ZNF541: variants seen among roughly 807,000 people sequenced by gnomAD.
The protein encoded by ZNF541 is zinc finger protein 541.
ZNF541 carries 23 observed loss-of-function variants against 123.5 expected under a neutral mutation model. The ratio of observed to expected loss-of-function variants is 0.19; its 90% confidence interval spans 0.13 to 0.26. ZNF541 has a LOEUF of 0.26. ZNF541 is among the 10% of genes least tolerant of loss of function. The probability of loss-of-function intolerance (pLI) is 1.00; values close to 1 mark genes in which losing one functional copy is unlikely to be tolerated. For missense variants in ZNF541, 1,612 were observed against 1,789.9 expected, an observed-to-expected ratio of 0.90 and a Z score of 1.79; for synonymous variants, 751 against 754.5, an observed-to-expected ratio of 1.00 and a Z score of 0.08.
chr19:47,527,608 C>G (rs925571924), intron 14 of ZNF541, among the ~76,000 whole-genome samples: 4 of 151,956 alleles, frequency 2.6e-5, no homozygotes, highest in Non-Finnish European at 4.4e-5. Context: ...ATTGCCCAGG[C>G]TGGTCTTGAA....
chr19:47,544,841 T>C lies in ZNF541; in HGVS notation c.1688A>G (p.Lys563Arg). 1.3e-6 allele frequency: 2 copies of C among 1,535,682 alleles called. No homozygotes were observed. Among genetic ancestry groups the C allele is most frequent in the Non-Finnish European group, 1.7e-6 (2 of 1,146,510 alleles). Residue 563 changes from lysine (K) to arginine (R), a missense_variant, in exon 5 of 17, where the codon AAG becomes AGG. Lys to Arg is a conservative substitution (Grantham distance 26). Coordinates refer to ENST00000391901, the MANE Select transcript of ZNF541 (RefSeq NM_001277075.3). ...GGCATGGGAGAAGATCCGCTGGGAC[T>C]TGGTGATCATCTGGAACACCTGCAT... ...EQMQVFQMITKSQRIFSHAQV... is the reference protein window; with the variant it reads ...EQMQVFQMITRSQRIFSHAQV...
intron 14 of ZNF541, among the ~76,000 whole-genome samples, chr19:47,527,999 CTTT>C (rs1022343366): frequency 1.3e-4 from 15 of 118,206 alleles, no homozygotes; most frequent in Admixed American, 2.6e-4. Context: ...ACGCCAGGCC[CTTT>C]TTTTTTTTTT....
chr19:47,521,528 A>G lies in ZNF541; in HGVS notation c.3838T>C (p.Leu1280=). 6.4e-7 allele frequency: 1 copy of G among 1,551,606 alleles called. No individual in the cohort carries two copies. The highest frequency in any genetic ancestry group is 1.2e-5 in the South Asian group (1 of 84,054). Residue 1280 remains leucine, a synonymous_variant, in exon 16 of 17, where the codon TTG becomes CTG. Transcript: ENST00000391901. This position sits in a 1 kb window ranked among gnomAD's most constrained non-coding sequence, Gnocchi z 4.2. The part of the protein sequence containing the change: ...NAGSKRTPEL[L]GSAESQGIFP... ...ATGCCCTGGCTCTCTGCACTTCCCA[A>G]CAGCTCGGGGGTCCGCTTGGAGCCT...
intron 2 of ZNF541, among the ~76,000 whole-genome samples, chr19:47,568,617 T>C (rs1421676859): frequency 6.6e-6 from 1 of 151,954 alleles, no homozygotes; most frequent in Non-Finnish European, 1.5e-5. Context: ...GTGCTGGTAT[T>C]ACAGGTGCAA....
rs1024358039 is a variant in ZNF541 at position 47,545,813 on chromosome 19, G to A, written c.716C>T (p.Ser239Phe). The change falls in exon 5 of 17, where the codon TCC becomes TTC. Residue 239 changes from serine (S) to phenylalanine (F), a missense_variant. Ser to Phe is a radical substitution (Grantham distance 155). Coordinates refer to ENST00000391901, the MANE Select transcript of ZNF541 (RefSeq NM_001277075.3). This position sits in a 1 kb window ranked among gnomAD's most constrained non-coding sequence, Gnocchi z 7.5. Reference protein sequence around the residue: ...APPEEEACGDSPHAHESAGQP... With the variant: ...APPEEEACGDFPHAHESAGQP... ...GCCGGCCGACTCGTGGGCGTGGGGGGAGTCCCCGCAGGCCTCTTCCTCCGG... is the reference window on the plus strand; with the variant it reads ...GCCGGCCGACTCGTGGGCGTGGGGGAAGTCCCCGCAGGCCTCTTCCTCCGG... 3.2e-6 allele frequency: 5 copies of A among 1,546,010 alleles called. No homozygotes were observed. Among genetic ancestry groups the A allele is most frequent in the Non-Finnish European group, 4.4e-6 (5 of 1,145,204 alleles).
intron 3 of ZNF541, 35 bp from the exon 4 acceptor site, chr19:47,549,520 C>A (rs1568507601): frequency 6.5e-7 from 1 of 1,548,064 alleles, no homozygotes; most frequent in Non-Finnish European, 8.7e-7. Flanking sequence ...TTATACACAG[C>A]CAAGGCAACC....
In ZNF541 at chr19:47,540,021, G is replaced by A. The variant is rs951574233; in HGVS notation, c.2623-143C>T. On this transcript the variant is annotated intron_variant, in intron 7 of 16. Transcript: ENST00000391901. Reference sequence around the variant, plus strand: ...AGCTGGAGAGCTGCTGCAGCCCATGGCAATGGCCTGCCCCTGGAGAGCCAC... The same window carrying A: ...AGCTGGAGAGCTGCTGCAGCCCATGACAATGGCCTGCCCCTGGAGAGCCAC... 17 of 1,418,202 alleles carry A rather than the reference G, an allele frequency of 1.2e-5. No homozygotes were observed. The East Asian group carries it at 2.5e-4, about 21-fold the overall frequency. The allele number at this position is 1,418,202 out of a possible 1,614,324, so 87.9% of individuals were successfully genotyped here. A position where few individuals can be genotyped will look rare whatever the true frequency, so the allele number is the denominator to read the frequency against.
intron 14 of ZNF541, among the ~76,000 whole-genome samples, chr19:47,526,842 A>G (rs368941759): frequency 8.1e-4 from 123 of 152,322 alleles, no homozygotes; most frequent in African/African-American, 2.9e-3. Flanking sequence ...CTCCTCTAGA[A>G]AACAAAGTAC....
chr19:47,556,438 A>C (rs1174803148), intron 2 of ZNF541, among the ~76,000 whole-genome samples: 2 of 152,078 alleles, frequency 1.3e-5, no homozygotes, highest in African/African-American at 4.8e-5. Context: ...GAAGTACTTG[A>C]TTTTTTCTTT....
intron 3 of ZNF541, 146 bp from the exon 4 acceptor site, chr19:47,549,631 C>T: frequency 7.6e-7 from 1 of 1,323,992 alleles, no homozygotes; most frequent in African/African-American, 1.5e-5. Context: ...AAACAAGGTT[C>T]AGGAGCAGGT....
At chr19:47,555,424 C>A in intron 3 of ZNF541, 126 bp downstream of exon 3, 6 of 765,452 alleles carry the variant, frequency 7.8e-6, no homozygotes, top group Non-Finnish European at 1.2e-5. Context: ...AAAAAGGTGA[C>A]TGTTCCCTAA....
At chr19:47,531,241 G>T (rs113160251) in intron 12 of ZNF541, among the ~76,000 whole-genome samples, 52,655 of 143,492 alleles carry the variant, frequency 0.37, 14,235 homozygotes, top group African/African-American at 0.67. Flanking sequence ...GCGGGGGGGG[G>T]GGGGGGGGTC....
chr19:47,530,902 C>T (rs973844863), intron 12 of ZNF541, among the ~76,000 whole-genome samples: 14 of 151,168 alleles, frequency 9.3e-5, no homozygotes, highest in Admixed American at 5.9e-4. Context: ...CCACCCGTCT[C>T]GGCCTCCCAA....
chr19:47,560,532 C>T (rs886305567), intron 2 of ZNF541, among the ~76,000 whole-genome samples: 69 of 148,124 alleles, frequency 4.7e-4, no homozygotes, highest in Non-Finnish European at 8.3e-4. Context: ...GCCAAGATTG[C>T]GCCACTGCAC....
rs1269206896 is a variant in ZNF541, at chr19:47,538,408, C to G, written c.2828G>C (p.Ser943Thr). The G allele has an allele frequency of 6.5e-7, 1 of 1,535,172 alleles. No individual in the cohort carries two copies. The highest frequency in any genetic ancestry group is 8.8e-7 in the Non-Finnish European group (1 of 1,139,096). The change falls in exon 9 of 17, where the codon AGC (serine) becomes ACC (threonine). Residue 943 changes from serine (S) to threonine (T), a missense_variant. Physicochemically the swap from Ser to Thr is moderately conservative, Grantham distance 58. Transcript: ENST00000391901. ...GQEKDGEERD[S>T]KESSQQRKRK... ...CTTTCTCTGCTGGCTGCTCTCCTTGCTGTCTCGCTCCTCCCCGTCTTTCTC... is the reference window on the plus strand; with the variant it reads ...CTTTCTCTGCTGGCTGCTCTCCTTGGTGTCTCGCTCCTCCCCGTCTTTCTC...
rs1446028950 is a variant in ZNF541 at position 47,521,117 on chromosome 19, G to A, written c.*107C>T. On this transcript the variant is annotated 3_prime_UTR_variant, in exon 17 of 17. Coordinates refer to ENST00000391901, the MANE Select transcript of ZNF541 (RefSeq NM_001277075.3). The surrounding 1 kb of genome is among the most constrained non-coding windows in gnomAD (Gnocchi z 4.2). The stretch of plus-strand genomic sequence containing the variant: ...GTTTGCAGGCAGGTTGGCCAACAGG[G>A]GACAGGGAGGGTGGGGGGAGGCAGA... The A allele has an allele frequency of 1.4e-5, 19 of 1,401,654 alleles. No individual in the cohort carries two copies. The highest frequency in any genetic ancestry group is 1.8e-5 in the Non-Finnish European group (19 of 1,048,210). The allele number at this position is 1,401,654 out of a possible 1,614,324, so 86.8% of individuals were successfully genotyped here.
chr19:47,531,647 C>T lies in ZNF541; in HGVS notation c.3400G>A (p.Val1134Ile), dbSNP rs919091492. 21 of 1,541,726 alleles carry T rather than the reference C, an allele frequency of 1.4e-5. No homozygotes were observed. The highest frequency in any genetic ancestry group is 4.1e-5 in the African/African-American group (3 of 72,972). The change falls in exon 12 of 17, where the codon GTT (valine) becomes ATT (isoleucine). Residue 1134 changes from valine to isoleucine, a missense_variant. Around this residue, in one of 5 missense-constraint regions of ZNF541, gnomAD observed 285 missense variants for 407.3 expected, o/e 0.70. Transcript: ENST00000391901. ...LHCLHEAQGN[V>I]QVALETLLLR... ...GTCCCCTTGCTGTTCCTCACCTGAA[C>T]GTTGCCCTGAGCCTCGTGCAGGCAG...
intron 2 of ZNF541, among the ~76,000 whole-genome samples, chr19:47,557,608 G>C (rs1970876224): frequency 6.6e-6 from 1 of 152,162 alleles, no homozygotes; most frequent in Admixed American, 6.5e-5. Context: ...GGGAGGCAGA[G>C]GAGGGAGGAT....
rs1028410333 is a variant in ZNF541, at chr19:47,540,456, T to C, written c.2463-121A>G. 5.1e-6 allele frequency: 5 copies of C among 985,894 alleles called. No homozygotes were observed. The East Asian group carries it at 1.1e-4, about 22-fold the overall frequency. The allele number at this position is 985,894 out of a possible 1,614,324, so 61.1% of individuals were successfully genotyped here. ...CAATCCACTGACTTTTTTTTTTTTT[T>C]GGAGATGGAGTCTCACTCTGTTGCC... On this transcript the variant is annotated intron_variant, in intron 6 of 16. Transcript: ENST00000391901.
Sources: gnomAD v4.1 joint callset for allele counts (sites outside exome capture counted in the v4.1 genomes callset) on GRCh38, gnomAD v4.1.1 for gene constraint, gnomAD v4.1.1 regional missense constraint, Gnocchi (gnomAD v3.1) non-coding constraint, MANE v1.5 for transcripts, NCBI Gene and HGNC (gene_info 2026-07-23, HGNC 2026-07-21) for gene names.